The following IFT122 variants were observed in gnomAD, a reference collection of about 807,000 sequenced individuals.
IFT122 encodes the protein intraflagellar transport protein 122 homolog.
Under a neutral mutation model 161.6 loss-of-function variants are expected in IFT122, and 118 were observed. The ratio of observed to expected loss-of-function variants is 0.73; its 90% CI spans 0.63 to 0.85. The LOEUF (loss-of-function observed/expected upper bound fraction) is 0.85. Among genes scored for constraint, IFT122 ranks in the 40% least tolerant of loss-of-function variants. IFT122 has a pLI of 0.00. For missense variants in IFT122, 1,381 were observed against 1,579.6 expected (o/e 0.87, Z 2.13); for synonymous variants, 550 against 602.4 (o/e 0.91, Z 1.27).
At chr3:129,502,903 A>G (rs1305047557) in intron 20 of IFT122, 21 bp downstream of exon 20, 6 of 1,605,104 alleles carry the variant, frequency 3.7e-6, no homozygotes, top group Non-Finnish European at 8.5e-7. Context: ...AGCAGGCCTC[A>G]TGGGCTGGGG....
chr3:129,512,045 C>A (rs1244106401), intron 23 of IFT122, among the ~76,000 whole-genome samples: 1 of 152,164 alleles, frequency 6.6e-6, no homozygotes, highest in Non-Finnish European at 1.5e-5. Context: ...CAGCTCTGTT[C>A]TAGTTGGTGA....
intron 14 of IFT122, among the ~76,000 whole-genome samples, chr3:129,482,292 C>G (rs2078754423): frequency 6.6e-6 from 1 of 152,204 alleles, no homozygotes; most frequent in South Asian, 2.1e-4. Flanking sequence ...AAGTGTGTCA[C>G]CAGAGAAGAC....
Position 129,507,737 on chromosome 3 carries a change from G to T in IFT122, c.2861G>T (p.Gly954Val). The T allele has an allele frequency of 2.5e-6, 4 of 1,614,066 alleles. No individual in the cohort carries two copies. Among genetic ancestry groups the T allele is most frequent in the Non-Finnish European group, 3.4e-6 (4 of 1,179,966 alleles). ...CAGCGTTTGGCAGAGCTGTACCATG[G>T]TTACCATGCCATCCATCGCCACACG... ...HFQRLAELYH[G>V]YHAIHRHTED... Residue 954 changes from glycine to valine, a missense_variant, in exon 23 of 30, where the codon GGT becomes GTT. Gly to Val is a moderately radical substitution (Grantham distance 109). This residue lies in a region of IFT122 where 496 missense variants were observed against 502.5 expected (regional missense o/e 0.99). Coordinates refer to ENST00000348417, the MANE Select transcript of IFT122 (RefSeq NM_052989.3).
In IFT122 at chr3:129,471,439, T is replaced by C. The variant is rs139332053; in HGVS notation, c.816+2022T>C. On this transcript the variant is annotated intron_variant, in intron 9 of 29. Coordinates refer to ENST00000348417, the MANE Select transcript of IFT122 (RefSeq NM_052989.3). Reference sequence around the variant, plus strand: ...TACATCATCATTCAACAGATACTTATTGGCACACCTACTGTGTACGAGGCA... The same window carrying C: ...TACATCATCATTCAACAGATACTTACTGGCACACCTACTGTGTACGAGGCA... 3.0e-3 allele frequency among the ~76,000 whole-genome samples: 462 copies of C among 151,562 alleles called. 4 individuals are homozygous for C. The highest frequency in any genetic ancestry group is 0.011 in the African/African-American group (432 of 40,872).
At chr3:129,453,623 G>C (rs2075113024) in intron 3 of IFT122, among the ~76,000 whole-genome samples, 1 of 152,206 alleles carries the variant, frequency 6.6e-6, no homozygotes, top group African/African-American at 2.4e-5. Context: ...CAAGGGAGCA[G>C]AAAGTGTATA....
In IFT122 at chr3:129,479,929, G is replaced by A. The variant is rs773232116; in HGVS notation, c.1488+7G>A. 1 of 1,613,780 alleles carries A rather than the reference G, an allele frequency of 6.2e-7. No individual in the cohort carries two copies. The highest frequency in any genetic ancestry group is 1.1e-5 in the South Asian group (1 of 91,058). On this transcript the variant is annotated splice_region_variant and intron_variant, in intron 13 of 29. Transcript: ENST00000348417. ...GGGGCTGAAGAATGGACAGGTGAGT[G>A]CTCCCTCACGTCTCCTGTCAGGCTG...
Position 129,449,813 on chromosome 3 carries a change from A to T in IFT122, c.42-58A>T. 5.1e-6 allele frequency: 6 copies of T among 1,165,970 alleles called. 1 individual carries two copies. In the South Asian group the frequency reaches 7.3e-5, roughly 14 times the overall value. 72.2% of individuals were successfully genotyped at this position (1,165,970 alleles called of 1,614,324 possible). ...GGCAATAAAGTTTACTTTCCTGGCC[A>T]TTAGCAGACTTCATCATTTTGGTTC... is the stretch of plus-strand genomic sequence containing the variant. On this transcript the variant is annotated intron_variant, in intron 1 of 29. Coordinates refer to ENST00000348417, the MANE Select transcript of IFT122 (RefSeq NM_052989.3).
At chr3:129,443,790 TATATG>T (rs1460279138) in intron 1 of IFT122, among the ~76,000 whole-genome samples, 3 of 152,224 alleles carry the variant, frequency 2.0e-5, no homozygotes, top group East Asian at 1.9e-4. Flanking sequence ...AAATCAGACA[TATATG>T]ATATATTTTA....
rs149915993 is a variant in IFT122, at chr3:129,478,075, A to G, written c.1207A>G (p.Ile403Val). Residue 403 changes from isoleucine to valine, a missense_variant, in exon 12 of 30, where the codon ATC (isoleucine) becomes GTC (valine). Physicochemically the swap from Ile to Val is conservative, Grantham distance 29 (BLOSUM62 3). Coordinates refer to ENST00000348417, the MANE Select transcript of IFT122 (RefSeq NM_052989.3). Reference sequence around the variant, plus strand: ...TGCCATCTACAGAAATCGATTGGCTATCCAACTGCCAGAGAAAATCCTCAT... The same window carrying G: ...TGCCATCTACAGAAATCGATTGGCTGTCCAACTGCCAGAGAAAATCCTCAT... ...KIAIYRNRLA[I>V]QLPEKILIYE... The G allele has an allele frequency of 1.9e-6, 3 of 1,614,222 alleles. No individual in the cohort carries two copies. Among genetic ancestry groups the G allele is most frequent in the Non-Finnish European group, 2.5e-6 (3 of 1,180,002 alleles).
In IFT122 at chr3:129,440,456, CA is replaced by C. The variant is rs568871804; in HGVS notation, c.41+86del. On this transcript the variant is annotated intron_variant, in intron 1 of 29. Coordinates refer to ENST00000348417, the MANE Select transcript of IFT122 (RefSeq NM_052989.3). ...GCCGCTGCAGCGTGTTTGAGGGGGG[CA>C]GCGGGCTTGCTGCCTGGGCCGAGGG... is the stretch of plus-strand genomic sequence containing the variant. 533 of 1,490,406 alleles carry C rather than the reference CA, an allele frequency of 3.6e-4. 1 individual carries two copies. The African/African-American group carries it at 6.0e-3, about 17-fold the overall frequency. The allele number at this position is 1,490,406 out of a possible 1,614,324, so 92.3% of individuals were successfully genotyped here.
chr3:129,440,432 C>T (rs1404172697), intron 1 of IFT122, 61 bp downstream of exon 1: 1 of 1,533,510 alleles, frequency 6.5e-7, no homozygotes, highest in South Asian at 1.2e-5. Context: ...AGTGCGCGAG[C>T]CGCTGCAGCG....
intron 14 of IFT122, among the ~76,000 whole-genome samples, chr3:129,482,243 G>T (rs2078747178): frequency 6.6e-6 from 1 of 152,208 alleles, no homozygotes; most frequent in Admixed American, 6.5e-5. Context: ...GGGGTTGTAG[G>T]CGTTGTTCAG....
At chr3:129,459,436 C>G (rs1051797747) in intron 4 of IFT122, 3 of 341,200 alleles carry the variant, frequency 8.8e-6, no homozygotes, top group African/African-American at 6.8e-5. Context: ...ACTATAGGCG[C>G]TCACCACCAT....
intron 1 of IFT122, among the ~76,000 whole-genome samples, chr3:129,440,618 A>G (rs2107779276): frequency 6.6e-6 from 1 of 152,258 alleles, no homozygotes; most frequent in Non-Finnish European, 1.5e-5. Context: ...CTCTTCCCTC[A>G]CGGTCTGGCC....
chr3:129,483,940 T>C, intron 15 of IFT122: 1 of 543,746 alleles, frequency 1.8e-6, no homozygotes, highest in South Asian at 2.0e-5. Flanking sequence ...GGGAGGGGTA[T>C]GCAGTGTTGT....
intron 17 of IFT122, among the ~76,000 whole-genome samples, chr3:129,493,164 G>C (rs752937638): frequency 6.6e-6 from 1 of 152,148 alleles, no homozygotes; most frequent in African/African-American, 2.4e-5. Flanking sequence ...CTGTCTGGCT[G>C]TCTGTTAAAA....
At chr3:129,467,960 G>C (rs2076973189) in intron 8 of IFT122, among the ~76,000 whole-genome samples, 2 of 152,196 alleles carry the variant, frequency 1.3e-5, no homozygotes, top group African/African-American at 2.4e-5. Flanking sequence ...GAGGTAAAAG[G>C]GGGTTGAAAA....
rs1445375912 is a variant in IFT122, at chr3:129,507,663, A to T, written c.2792-5A>T. 3.1e-6 allele frequency: 5 copies of T among 1,613,560 alleles called. No individual in the cohort carries two copies. Among genetic ancestry groups the T allele is most frequent in the Non-Finnish European group, 4.2e-6 (5 of 1,179,580 alleles). Reference sequence around the variant, plus strand: ...GTTTCCCCTCCCACCCGCTGCACACAGCAGATCCTGCCCAGAAGGACACAA... The same window carrying T: ...GTTTCCCCTCCCACCCGCTGCACACTGCAGATCCTGCCCAGAAGGACACAA... On this transcript the variant is annotated splice_polypyrimidine_tract_variant and splice_region_variant and intron_variant, in intron 22 of 29. Coordinates refer to ENST00000348417, the MANE Select transcript of IFT122 (RefSeq NM_052989.3).
chr3:129,481,833 G>A, intron 14 of IFT122, 139 bp downstream of exon 14: 1 of 869,194 alleles, frequency 1.2e-6, no homozygotes, highest in Admixed American at 2.0e-5. Flanking sequence ...CATGCACAGA[G>A]TCCCAGAGGC....
Sources: allele counts gnomAD v4.1 joint callset (sites outside exome capture counted in the v4.1 genomes callset), GRCh38; gene constraint gnomAD v4.1.1; regional missense constraint gnomAD v4.1.1; transcripts MANE v1.5; gene names NCBI Gene and HGNC (gene_info 2026-07-23, HGNC 2026-07-21).